Variants in C2orf80 observed in about 807,000 individuals in gnomAD.
The protein encoded by C2orf80 is chromosome 2 open reading frame 80.
Under a neutral mutation model 30.2 loss-of-function variants are expected in C2orf80, and 28 were observed. The ratio of observed to expected loss-of-function variants is 0.93; its 90% CI spans 0.69 to 1.27. C2orf80 has a LOEUF of 1.27. C2orf80 is among the 50% of genes most tolerant of loss of function. The pLI is 0.00. For missense variants in C2orf80, 220 were observed against 231.0 expected (o/e 0.95, Z 0.31); for synonymous variants, 80 against 76.4 (o/e 1.05, Z -0.24).
chr2:208,173,579 C>G (rs895167867), intron 6 of C2orf80, among the ~76,000 whole-genome samples: 9 of 151,624 alleles, frequency 5.9e-5, no homozygotes, highest in Admixed American at 6.6e-5. Context: ...GAGCCGAGAT[C>G]GTGCCACTGC....
At chr2:208,172,133 T>G in intron 6 of C2orf80, 58 bp from the exon 7 acceptor site, 1 of 1,304,046 alleles carries the variant, frequency 7.7e-7, no homozygotes, top group Non-Finnish European at 1.1e-6. Context: ...CATGAACACC[T>G]GCTAGTCACA....
chr2:208,174,676 G>A (rs1278556380), intron 6 of C2orf80, among the ~76,000 whole-genome samples: 1 of 152,254 alleles, frequency 6.6e-6, no homozygotes, highest in Non-Finnish European at 1.5e-5. Flanking sequence ...AAGACACACA[G>A]CTAGCAAGTG....
In C2orf80 at chr2:208,190,019, G is replaced by T; in HGVS notation, c.-142C>A. On this transcript the variant is annotated 5_prime_UTR_variant, in exon 1 of 9. Coordinates refer to ENST00000341287, the MANE Select transcript of C2orf80 (RefSeq NM_001099334.3). ...TCTGGAGGCATGCTGAAGCATCCGCGCATCTCAGACTGGTGCTCACAGACA... is the reference window on the plus strand; with the variant it reads ...TCTGGAGGCATGCTGAAGCATCCGCTCATCTCAGACTGGTGCTCACAGACA... 1.4e-6 allele frequency: 1 copy of T among 702,790 alleles called. No homozygotes were observed. The highest frequency in any genetic ancestry group is 2.6e-6 in the Non-Finnish European group (1 of 384,906). 43.5% of individuals were successfully genotyped at this position (702,790 alleles called of 1,614,324 possible).
intron 6 of C2orf80, among the ~76,000 whole-genome samples, chr2:208,176,804 G>C (rs1696312270): frequency 8.3e-6 from 1 of 121,134 alleles, no homozygotes; most frequent in Admixed American, 9.8e-5. Context: ...GCCAGGCTTT[G>C]GAATCCTAGT....
intron 1 of C2orf80, among the ~76,000 whole-genome samples, chr2:208,187,484 T>G (rs1696752142): frequency 6.6e-6 from 1 of 151,074 alleles, no homozygotes; most frequent in Admixed American, 6.6e-5. Flanking sequence ...TTCCATAGAA[T>G]CCATCTACAC....
In C2orf80 at chr2:208,171,076, G is replaced by A. The variant is rs1696083255; in HGVS notation, c.455-13C>T. The A allele has an allele frequency of 6.4e-7, 1 of 1,553,284 alleles. No homozygotes were observed. Among genetic ancestry groups the A allele is most frequent in the South Asian group, 1.1e-5 (1 of 89,822 alleles). On this transcript the variant is annotated splice_polypyrimidine_tract_variant and intron_variant, in intron 7 of 8. Coordinates refer to ENST00000341287, the MANE Select transcript of C2orf80 (RefSeq NM_001099334.3). Reference sequence around the variant, plus strand: ...CTTGACTTGACACCTACAGACAGATGCAGTAACCATATCTGTATATAAAAC... The same window carrying A: ...CTTGACTTGACACCTACAGACAGATACAGTAACCATATCTGTATATAAAAC...
At chr2:208,178,917 C>G (rs1359188727) in intron 6 of C2orf80, among the ~76,000 whole-genome samples, 1 of 152,082 alleles carries the variant, frequency 6.6e-6, no homozygotes, top group Non-Finnish European at 1.5e-5. Context: ...GCCACCACAC[C>G]TGGCAAATTT....
intron 6 of C2orf80, among the ~76,000 whole-genome samples, chr2:208,178,018 G>A (rs573958596): frequency 2.0e-5 from 3 of 151,692 alleles, no homozygotes; most frequent in East Asian, 1.9e-4. Context: ...GGATTTCACC[G>A]TGTTGGCCAG....
chr2:208,177,619 A>G (rs1404784606), intron 6 of C2orf80, among the ~76,000 whole-genome samples: 1 of 152,090 alleles, frequency 6.6e-6, no homozygotes. Flanking sequence ...AGCCTCTGTG[A>G]TAATATTATC....
Position 208,165,606 on chromosome 2 carries a change from G to GTTTTT in C2orf80, c.*196_*200dup. 2.1e-6 allele frequency: 1 copy of GTTTTT among 477,990 alleles called. No individual in the cohort carries two copies. Among genetic ancestry groups the GTTTTT allele is most frequent in the Non-Finnish European group, 3.6e-6 (1 of 275,152 alleles). 29.6% of individuals were successfully genotyped at this position (477,990 alleles called of 1,614,324 possible). A position where few individuals can be genotyped will look rare whatever the true frequency, so the allele number is the denominator to read the frequency against. ...CACAATGAAGTAGCATAAGGTCACA[G>GTTTTT]TTTTTTTTTTTAAGAAAATGTAGCC... On this transcript the variant is annotated 3_prime_UTR_variant, in exon 9 of 9. Transcript: ENST00000341287.
At chr2:208,177,804 A>T (rs2105904426) in intron 6 of C2orf80, among the ~76,000 whole-genome samples, 1 of 147,764 alleles carries the variant, frequency 6.8e-6, no homozygotes, top group Non-Finnish European at 1.5e-5. Flanking sequence ...TAGCACCTTT[A>T]TTTATTTATT....
intron 6 of C2orf80, among the ~76,000 whole-genome samples, chr2:208,175,473 G>A (rs1696258203): frequency 6.6e-6 from 1 of 152,148 alleles, no homozygotes; most frequent in African/African-American, 2.4e-5. Flanking sequence ...TAACAGAGTA[G>A]GTGAGCAATC....
In C2orf80 at chr2:208,176,989, A is replaced by ACAGATC. The variant is rs1559340729; in HGVS notation, c.366+3755_366+3756insGATCTG. Among the ~76,000 whole-genome samples, 64 of 73,422 alleles carry ACAGATC rather than the reference A, an allele frequency of 8.7e-4. 2 individuals carry two copies. Among genetic ancestry groups the ACAGATC allele is most frequent in the Non-Finnish European group, 1.1e-3 (39 of 34,712 alleles). 48.2% of individuals were successfully genotyped at this position (73,422 alleles called of 152,430 possible). A position where few individuals can be genotyped will look rare whatever the true frequency, so the allele number is the denominator to read the frequency against. On this transcript the variant is annotated intron_variant, in intron 6 of 8. Transcript: ENST00000341287. ...TGTATACATATATACAGAAATGTAT[A>ACAGATC]TGTATACATATATACATATATACAG...
chr2:208,176,951 ATCT>A (rs1559340540), intron 6 of C2orf80, among the ~76,000 whole-genome samples: 349 of 36,614 alleles, frequency 9.5e-3, no homozygotes, highest in African/African-American at 0.038. Context: ...CTGTATACAT[ATCT>A]GTATACATAT....
Position 208,176,953 on chromosome 2 carries a change from C to A in C2orf80, c.366+3792G>T, listed in dbSNP as rs201913467. On this transcript the variant is annotated intron_variant, in intron 6 of 8. Transcript: ENST00000341287. ...TATGTATACATATCTGTATACATAT[C>A]TGTATACATATGTATACATATATAC... Among the ~76,000 whole-genome samples the A allele has an allele frequency of 6.0e-3, 31 of 5,128 alleles. 3 individuals carry two copies. The highest frequency in any genetic ancestry group is 9.7e-3 in the African/African-American group (23 of 2,374). 3.4% of individuals were successfully genotyped at this position (5,128 alleles called of 152,430 possible).
At chr2:208,171,171 G>T in intron 7 of C2orf80, 108 bp from the exon 8 acceptor site, 4 of 789,894 alleles carry the variant, frequency 5.1e-6, no homozygotes, top group Non-Finnish European at 8.4e-6. Context: ...TTTGAGACAG[G>T]GTCTCACTTT....
Position 208,176,919 on chromosome 2 carries a change from C to A in C2orf80, c.366+3826G>T, listed in dbSNP as rs972766463. ...TATATACATATCTGTGTATACATAT[C>A]TGTATACATATGTATACATATCTGT... On this transcript the variant is annotated intron_variant, in intron 6 of 8. Transcript: ENST00000341287. 1.8e-3 allele frequency among the ~76,000 whole-genome samples: 144 copies of A among 81,644 alleles called. 11 individuals are homozygous for A. The highest frequency in any genetic ancestry group is 6.3e-3 in the African/African-American group (129 of 20,324). 53.6% of individuals were successfully genotyped at this position (81,644 alleles called of 152,430 possible).
rs112610733 is a variant in C2orf80 at position 208,176,928 on chromosome 2, T to G, written c.366+3817A>C. On this transcript the variant is annotated intron_variant, in intron 6 of 8. Transcript: ENST00000341287. ...ATCTGTGTATACATATCTGTATACA[T>G]ATGTATACATATCTGTATACATATC... Among the ~76,000 whole-genome samples, 160 of 95,414 alleles carry G rather than the reference T, an allele frequency of 1.7e-3. 14 individuals are homozygous for G. The highest frequency in any genetic ancestry group is 6.3e-3 in the African/African-American group (152 of 24,162). 62.6% of individuals were successfully genotyped at this position (95,414 alleles called of 152,430 possible). A position where few individuals can be genotyped will look rare whatever the true frequency, so the allele number is the denominator to read the frequency against.
In C2orf80 at chr2:208,187,040, CCA is replaced by C; in HGVS notation, c.-56_-55del. 6.4e-7 allele frequency: 1 copy of C among 1,551,082 alleles called. No individual in the cohort carries two copies. Among genetic ancestry groups the C allele is most frequent in the African/African-American group, 1.4e-5 (1 of 73,692 alleles). Reference sequence around the variant, plus strand: ...TCTGCAGCTAACACTACACTTAGACCCAGCTTCTCTGAGTCTAGAGGCTACAG... The same window carrying C: ...TCTGCAGCTAACACTACACTTAGACCGCTTCTCTGAGTCTAGAGGCTACAG... On this transcript the variant is annotated 5_prime_UTR_variant, in exon 2 of 9. An upstream open reading frame in the 5' UTR gains an earlier in-frame stop. Coordinates refer to ENST00000341287, the MANE Select transcript of C2orf80 (RefSeq NM_001099334.3).
Sources: gnomAD v4.1 joint callset for allele counts (sites outside exome capture counted in the v4.1 genomes callset) on GRCh38, gnomAD v4.1.1 for gene constraint, MANE v1.5 for transcripts, NCBI Gene and HGNC (gene_info 2026-07-23, HGNC 2026-07-21) for gene names.